Variants in HS6ST3 observed in about 807,000 individuals in gnomAD.
The protein encoded by HS6ST3 is heparan-sulfate 6-O-sulfotransferase 3.
Under a neutral mutation model 36.7 loss-of-function variants are expected in HS6ST3, and 12 were observed. That is an observed-to-expected ratio of 0.33 (90% CI 0.21 to 0.53). The LOEUF (loss-of-function observed/expected upper bound fraction) is 0.53, where lower values mean the gene tolerates loss of function less well. Ranked by LOEUF, HS6ST3 falls within the 20% of genes least tolerant of loss-of-function variation. The pLI is 0.95. For missense variants in HS6ST3, 584 were observed against 640.9 expected (o/e 0.91, Z 0.96); for synonymous variants, 240 against 257.5 (o/e 0.93, Z 0.65).
intron 1 of HS6ST3, among the ~76,000 whole-genome samples, chr13:96,572,755 T>C (rs1672571136): frequency 6.6e-6 from 1 of 152,184 alleles, no homozygotes; most frequent in Non-Finnish European, 1.5e-5. Flanking sequence ...TGCCTGGGTC[T>C]CTGCCTGCAA....
intron 1 of HS6ST3, among the ~76,000 whole-genome samples, chr13:96,279,401 G>A (rs947920789): frequency 5.3e-5 from 8 of 152,258 alleles, no homozygotes; most frequent in Middle Eastern, 6.8e-3. Flanking sequence ...TAGCATTGTG[G>A]AGTTTATAGT....
At chr13:96,231,823 C>A (rs1025174850) in intron 1 of HS6ST3, among the ~76,000 whole-genome samples, 1 of 152,164 alleles carries the variant, frequency 6.6e-6, no homozygotes, top group Non-Finnish European at 1.5e-5. Context: ...ATGAAGACTG[C>A]TGATAGAGTA....
intron 1 of HS6ST3, among the ~76,000 whole-genome samples, chr13:96,614,990 T>G (rs1338528062): frequency 6.6e-6 from 1 of 152,190 alleles, no homozygotes; most frequent in African/African-American, 2.4e-5. Context: ...GAGTTTGGCA[T>G]AGATATTTTG....
intron 1 of HS6ST3, among the ~76,000 whole-genome samples, chr13:96,238,561 C>T (rs922713029): frequency 6.6e-6 from 1 of 152,214 alleles, no homozygotes; most frequent in Non-Finnish European, 1.5e-5. Flanking sequence ...ATTCCTCAAG[C>T]TCGTAATTAA....
chr13:96,726,673 C>G (rs1159855913), intron 1 of HS6ST3, among the ~76,000 whole-genome samples: 1 of 152,082 alleles, frequency 6.6e-6, no homozygotes, highest in Non-Finnish European at 1.5e-5. Flanking sequence ...TTTCTTCTTT[C>G]CTGTATGGCA....
intron 1 of HS6ST3, among the ~76,000 whole-genome samples, chr13:96,681,010 T>A (rs781703515): frequency 6.6e-6 from 1 of 152,208 alleles, no homozygotes; most frequent in Non-Finnish European, 1.5e-5. Context: ...GCAAAACTAC[T>A]CAGCATCATA....
At chr13:96,347,688 A>G (rs1231190730) in intron 1 of HS6ST3, among the ~76,000 whole-genome samples, 2 of 152,218 alleles carry the variant, frequency 1.3e-5, no homozygotes, top group African/African-American at 4.8e-5. Context: ...CAGAACATAT[A>G]ATACATGGTC....
chr13:96,285,358 T>G lies in HS6ST3; in HGVS notation c.707+193789T>G, dbSNP rs535188562. On this transcript the variant is annotated intron_variant, in intron 1 of 1. Transcript: ENST00000376705. ...GAGACTAAAAGATACTTTTATTTAGTGCTATTTATTCTACTTCTAAATTCA... is the reference window on the plus strand; with the variant it reads ...GAGACTAAAAGATACTTTTATTTAGGGCTATTTATTCTACTTCTAAATTCA... Among the ~76,000 whole-genome samples the G allele has an allele frequency of 2.5e-3, 379 of 152,316 alleles. 1 individual carries two copies. The highest frequency in any genetic ancestry group is 3.6e-3 in the Non-Finnish European group (243 of 68,020).
At chr13:96,226,460 C>T (rs567847209) in intron 1 of HS6ST3, among the ~76,000 whole-genome samples, 26 of 152,212 alleles carry the variant, frequency 1.7e-4, no homozygotes, top group Non-Finnish European at 2.8e-4. Context: ...GCGGAGGTTG[C>T]GGTAAGCCAA....
Position 96,605,493 on chromosome 13 carries a change from T to C in HS6ST3, c.708-226997T>C, listed in dbSNP as rs550505387. Among the ~76,000 whole-genome samples the C allele has an allele frequency of 2.0e-4, 30 of 152,260 alleles. No homozygotes were observed. In the South Asian group the frequency reaches 5.6e-3, roughly 28 times the overall value. On this transcript the variant is annotated intron_variant, in intron 1 of 1. Transcript: ENST00000376705. ...CTTTCTATAAACTATTACATACTTA[T>C]ATGTCCTAAGTCTCTTGGTCCCCAC...
intron 1 of HS6ST3, among the ~76,000 whole-genome samples, chr13:96,469,139 G>C (rs1001570017): frequency 6.6e-6 from 1 of 152,082 alleles, no homozygotes; most frequent in Non-Finnish European, 1.5e-5. Context: ...TTTTTCTTTA[G>C]CAGCTGGAGG....
At chr13:96,358,917 T>TATCC (rs1421140360) in intron 1 of HS6ST3, among the ~76,000 whole-genome samples, 1 of 148,768 alleles carries the variant, frequency 6.7e-6, no homozygotes, top group East Asian at 2.0e-4. Flanking sequence ...TCTATCTATC[T>TATCC]AGAGAGAGAT....
At chr13:96,474,045 A>C (rs2055851631) in intron 1 of HS6ST3, among the ~76,000 whole-genome samples, 1 of 152,322 alleles carries the variant, frequency 6.6e-6, no homozygotes, top group Non-Finnish European at 1.5e-5. Flanking sequence ...GGAATGTTGC[A>C]GAGACTGCTG....
chr13:96,617,101 G>A (rs1212587852), intron 1 of HS6ST3, among the ~76,000 whole-genome samples: 1 of 152,136 alleles, frequency 6.6e-6, no homozygotes, highest in Non-Finnish European at 1.5e-5. Flanking sequence ...GAGATAATTT[G>A]TCTACAGTCA....
At chr13:96,666,228 A>C (rs1377201548) in intron 1 of HS6ST3, among the ~76,000 whole-genome samples, 1 of 152,166 alleles carries the variant, frequency 6.6e-6, no homozygotes, top group Non-Finnish European at 1.5e-5. Flanking sequence ...CACTATCACA[A>C]GAACAACAGC....
intron 1 of HS6ST3, among the ~76,000 whole-genome samples, chr13:96,747,795 T>A (rs1254072823): frequency 6.6e-6 from 1 of 152,030 alleles, no homozygotes; most frequent in Non-Finnish European, 1.5e-5. Flanking sequence ...TGAAGCAGAC[T>A]GAGGTTCAGG....
At chr13:96,750,497 C>CT (rs1398805416) in intron 1 of HS6ST3, among the ~76,000 whole-genome samples, 1 of 152,200 alleles carries the variant, frequency 6.6e-6, no homozygotes, top group Non-Finnish European at 1.5e-5. Flanking sequence ...CCTGATAACT[C>CT]TTTCATTAAT....
At position 96,091,351 on chromosome 13, in the gene HS6ST3, G is replaced by A. The variant is rs373481940; in HGVS notation, c.489G>A (p.Arg163=). The A allele has an allele frequency of 1.2e-5, 20 of 1,613,974 alleles. No individual in the cohort carries two copies. Among genetic ancestry groups the A allele is most frequent in the African/African-American group, 4.0e-5 (3 of 74,940 alleles). Residue 163 remains arginine, a synonymous_variant, in exon 1 of 2, where the codon CGG becomes CGA. Coordinates refer to ENST00000376705, the MANE Select transcript of HS6ST3 (RefSeq NM_153456.4). ...AGACGGGGGGCACCACTTTCGGCCG[G>A]CACCTGGTGAAGAACATCCGGCTGG... ...IQKTGGTTFG[R]HLVKNIRLEQ...
In HS6ST3 at chr13:96,388,427, T is replaced by C. The variant is rs183760187; in HGVS notation, c.707+296858T>C. Among the ~76,000 whole-genome samples the C allele has an allele frequency of 3.9e-5, 6 of 152,272 alleles. No individual in the cohort carries two copies. The East Asian group carries it at 1.2e-3, about 29-fold the overall frequency. ...TATTAATGTACTGAACTAGATGGGG[T>C]TATAAGGAATAATTAATTGAAATGA... On this transcript the variant is annotated intron_variant, in intron 1 of 1. Coordinates refer to ENST00000376705, the MANE Select transcript of HS6ST3 (RefSeq NM_153456.4).
Sources: gnomAD v4.1 joint callset for allele counts (sites outside exome capture counted in the v4.1 genomes callset) on GRCh38, gnomAD v4.1.1 for gene constraint, MANE v1.5 for transcripts, NCBI Gene and HGNC (gene_info 2026-07-23, HGNC 2026-07-21) for gene names.